ACACA: variants seen among roughly 807,000 people sequenced by gnomAD.
ACACA encodes the protein acetyl-CoA carboxylase 1.
Under a neutral mutation model 296.1 loss-of-function variants are expected in ACACA, and 103 were observed. That is an observed-to-expected ratio of 0.35 (90% CI 0.30 to 0.41). The LOEUF (loss-of-function observed/expected upper bound fraction) is 0.41, where lower values mean the gene tolerates loss of function less well. Among genes scored for constraint, ACACA ranks in the 10% least tolerant of loss-of-function variants. ACACA has a pLI of 1.00. For missense variants in ACACA, 1,554 were observed against 2,989.7 expected, an observed-to-expected ratio of 0.52 and a Z score of 11.20; for synonymous variants, 953 against 1,038.6, an observed-to-expected ratio of 0.92 and a Z score of 1.58.
intron 19 of ACACA, 69 bp downstream of exon 19, chr17:37,246,757 A>T (rs2080725157): frequency 1.3e-6 from 2 of 1,583,888 alleles, no homozygotes; most frequent in South Asian, 1.1e-5. Context: ...TTTCAGTCCT[A>T]GTCCATCCCA....
Position 37,200,378 on chromosome 17 carries a change from T to TAGC in ACACA, c.4113+46_4113+48dup, listed in dbSNP as rs199809099. On this transcript the variant is annotated intron_variant, in intron 34 of 55. Transcript: ENST00000616317. Reference sequence around the variant, plus strand: ...TTACAATCCCATTTTTATTAAGTTGTAGCAGCAGCATAAGAAATATTAAAG... The same window carrying TAGC: ...TTACAATCCCATTTTTATTAAGTTGTAGCAGCAGCAGCATAAGAAATATTAAAG... 2,745 of 1,523,408 alleles carry TAGC rather than the reference T, an allele frequency of 1.8e-3. 42 individuals carry two copies. In the African/African-American group the frequency reaches 0.033, roughly 19 times the overall value. The allele number at this position is 1,523,408 out of a possible 1,614,324, so 94.4% of individuals were successfully genotyped here. A position where few individuals can be genotyped will look rare whatever the true frequency, so the allele number is the denominator to read the frequency against.
chr17:37,358,718 C>A (rs2049262320), intron 1 of ACACA, among the ~76,000 whole-genome samples: 1 of 152,146 alleles, frequency 6.6e-6, no homozygotes, highest in South Asian at 2.1e-4. Flanking sequence ...TCCAGCCCCC[C>A]TTCCTAGAGG....
intron 1 of ACACA, among the ~76,000 whole-genome samples, chr17:37,347,082 C>G (rs543481996): frequency 6.6e-6 from 1 of 152,106 alleles, no homozygotes; most frequent in South Asian, 2.1e-4. Context: ...TTAATTTCCA[C>G]GTGTTGTGGG....
At chr17:37,214,155 C>T (rs1466918311) in intron 29 of ACACA, among the ~76,000 whole-genome samples, 1 of 152,198 alleles carries the variant, frequency 6.6e-6, no homozygotes, top group East Asian at 1.9e-4. Flanking sequence ...CAGCCACTAA[C>T]AGCAGTACCA....
At chr17:37,171,005 T>G (rs2076863493) in intron 41 of ACACA, among the ~76,000 whole-genome samples, 1 of 152,200 alleles carries the variant, frequency 6.6e-6, no homozygotes, top group Non-Finnish European at 1.5e-5. Context: ...AAAGAGAATA[T>G]CTTTGCCACA....
chr17:37,111,779 CAT>C, intron 51 of ACACA, 136 bp from the exon 52 acceptor site: 1 of 721,400 alleles, frequency 1.4e-6, no homozygotes, highest in East Asian at 2.7e-5. Context: ...GGTTAACAGA[CAT>C]CTCCCCGGGG....
At chr17:37,228,206 CTTTTT>C (rs11299899) in intron 25 of ACACA, among the ~76,000 whole-genome samples, 5 of 106,064 alleles carry the variant, frequency 4.7e-5, no homozygotes, top group East Asian at 3.2e-4. Context: ...TTCTCAAACC[CTTTTT>C]TTTTTTTTTT....
chr17:37,302,303 G>C (rs1382745248), intron 3 of ACACA, among the ~76,000 whole-genome samples: 1 of 151,456 alleles, frequency 6.6e-6, no homozygotes, highest in Non-Finnish European at 1.5e-5. Flanking sequence ...TCCACCTCCC[G>C]GGTTCAAGCG....
intron 24 of ACACA, 60 bp from the exon 25 acceptor site, chr17:37,235,159 A>G: frequency 6.3e-7 from 1 of 1,593,620 alleles, no homozygotes; most frequent in Non-Finnish European, 8.6e-7. Context: ...TTTACATGCT[A>G]TTTGTTTTGT....
intron 45 of ACACA, chr17:37,143,658 A>C: frequency 1.1e-6 from 1 of 891,816 alleles, no homozygotes; most frequent in Non-Finnish European, 1.8e-6. Context: ...TAGACAAGAA[A>C]AAAATCTGTG....
intron 1 of ACACA, among the ~76,000 whole-genome samples, chr17:37,393,266 C>T (rs2050958996): frequency 6.6e-6 from 1 of 152,066 alleles, no homozygotes; most frequent in Admixed American, 6.6e-5. Flanking sequence ...TATTTGCATC[C>T]TGCCACTGAT....
intron 1 of ACACA, among the ~76,000 whole-genome samples, chr17:37,355,960 G>A (rs1407487372): frequency 1.3e-5 from 2 of 152,234 alleles, no homozygotes; most frequent in African/African-American, 4.8e-5. Flanking sequence ...CCTGAGGTCA[G>A]GAGTTTATGA....
intron 52 of ACACA, among the ~76,000 whole-genome samples, chr17:37,103,764 T>C (rs888458814): frequency 3.3e-5 from 5 of 151,816 alleles, no homozygotes; most frequent in Non-Finnish European, 5.9e-5. Flanking sequence ...ATGCCAAGTG[T>C]GGTAGCTCAC....
intron 1 of ACACA, chr17:37,386,036 A>C (rs1357148940): frequency 8.1e-6 from 13 of 1,601,132 alleles, no homozygotes; most frequent in Non-Finnish European, 1.0e-5. Flanking sequence ...TCACAATGTA[A>C]AGTCCTGGGG....
chr17:37,330,081 T>G lies in ACACA; in HGVS notation c.338+92A>C, dbSNP rs1002131889. The G allele has an allele frequency of 1.6e-5, 24 of 1,511,838 alleles. No homozygotes were observed. In the African/African-American group the frequency reaches 3.0e-4, roughly 19 times the overall value. The allele number at this position is 1,511,838 out of a possible 1,614,324, so 93.7% of individuals were successfully genotyped here. A position where few individuals can be genotyped will look rare whatever the true frequency, so the allele number is the denominator to read the frequency against. ...AGTGACATAGGAAAAGGCAAAGCAGTCTTAGCTGAAATCATCCTTGCTCTT... is the reference window on the plus strand; with the variant it reads ...AGTGACATAGGAAAAGGCAAAGCAGGCTTAGCTGAAATCATCCTTGCTCTT... On this transcript the variant is annotated intron_variant, in intron 3 of 55. Coordinates refer to ENST00000616317, the MANE Select transcript of ACACA (RefSeq NM_198834.3).
intron 6 of ACACA, among the ~76,000 whole-genome samples, chr17:37,277,380 C>T (rs988868860): frequency 1.3e-5 from 2 of 152,236 alleles, no homozygotes; most frequent in African/African-American, 4.8e-5. Context: ...CTTTAGGAAA[C>T]TCAATTCATA....
At chr17:37,345,666 A>G (rs915890989) in intron 1 of ACACA, among the ~76,000 whole-genome samples, 2 of 152,206 alleles carry the variant, frequency 1.3e-5, no homozygotes, top group African/African-American at 4.8e-5. Flanking sequence ...GGGGAAAGCA[A>G]CTTCACCTCT....
intron 45 of ACACA, among the ~76,000 whole-genome samples, chr17:37,135,525 A>C (rs2075294741): frequency 6.6e-6 from 1 of 152,198 alleles, no homozygotes; most frequent in South Asian, 2.1e-4. Context: ...TGAAGTGATC[A>C]GGTATGCTGA....
At chr17:37,265,270 G>A (rs2081706682) in intron 10 of ACACA, among the ~76,000 whole-genome samples, 1 of 152,182 alleles carries the variant, frequency 6.6e-6, no homozygotes, top group Admixed American at 6.5e-5. Flanking sequence ...TGTACATACA[G>A]GAATGGGAGG....
Sources: gnomAD v4.1 joint callset for allele counts (sites outside exome capture counted in the v4.1 genomes callset) on GRCh38, gnomAD v4.1.1 for gene constraint, MANE v1.5 for transcripts, NCBI Gene and HGNC (gene_info 2026-07-23, HGNC 2026-07-21) for gene names.